Variants in SAR1A observed in about 807,000 individuals in gnomAD.
SAR1A encodes small COPII coat GTPase SAR1A.
SAR1A carries 6 observed loss-of-function variants against 22.6 expected under a neutral mutation model. The ratio of observed to expected loss-of-function variants is 0.27; its 90% CI spans 0.15 to 0.52. The LOEUF is 0.52. Among genes scored for constraint, SAR1A ranks in the 20% least tolerant of loss-of-function variants. The pLI, the probability that SAR1A is intolerant of heterozygous loss-of-function variation, is 0.96. For synonymous variants in SAR1A, 70 were observed against 82.2 expected (o/e 0.85, Z 0.80); for missense variants, 145 against 245.1 (o/e 0.59, Z 2.73).
intron 6 of SAR1A, 94 bp downstream of exon 6, chr10:70,153,744 G>C: frequency 1.9e-6 from 2 of 1,031,358 alleles, no homozygotes; most frequent in Non-Finnish European, 2.7e-6. Context: ...GCCTGTTTAA[G>C]CCTTTAAAAG....
chr10:70,154,168 C>T (rs1425322372), intron 5 of SAR1A, among the ~76,000 whole-genome samples, 199 bp from the exon 6 acceptor site: 1 of 152,158 alleles, frequency 6.6e-6, no homozygotes, highest in Non-Finnish European at 1.5e-5. Context: ...AAGTAAAAAT[C>T]TCCTAAGTGC....
intron 1 of SAR1A, among the ~76,000 whole-genome samples, chr10:70,168,363 G>A (rs1839579224): frequency 6.6e-6 from 1 of 152,192 alleles, no homozygotes; most frequent in Admixed American, 6.5e-5. Context: ...GGGAGGCCGA[G>A]GCAAGTGGAT....
rs563538652 is a variant in SAR1A, at chr10:70,148,623, T to A, written c.*3853A>T. The stretch of plus-strand genomic sequence containing the variant: ...GGGCAACATGATGAGACCTTAACTC[T>A]ACAAAAATTTTGAAAACTAGCTGAG... On this transcript the variant is annotated 3_prime_UTR_variant, in exon 7 of 7. Transcript: ENST00000373241. 6.6e-6 allele frequency: 1 copy of A among 152,092 alleles called. No homozygotes were observed. Among genetic ancestry groups the A allele is most frequent in the African/African-American group, 2.4e-5 (1 of 41,478 alleles). 9.4% of individuals were successfully genotyped at this position (152,092 alleles called of 1,614,324 possible). A position where few individuals can be genotyped will look rare whatever the true frequency, so the allele number is the denominator to read the frequency against.
intron 1 of SAR1A, among the ~76,000 whole-genome samples, chr10:70,162,431 A>G (rs1326195214): frequency 1.1e-4 from 15 of 130,766 alleles, no homozygotes; most frequent in African/African-American, 4.2e-4. Flanking sequence ...GGGAAAGGAA[A>G]GGAAAGGAAA....
At chr10:70,162,391 G>A (rs868428196) in intron 1 of SAR1A, among the ~76,000 whole-genome samples, 6 of 136,164 alleles carry the variant, frequency 4.4e-5, no homozygotes, top group East Asian at 2.2e-4. Flanking sequence ...GAAAGGGAAA[G>A]GGAAAAGGAA....
At chr10:70,167,691 C>T (rs1362544224) in intron 1 of SAR1A, among the ~76,000 whole-genome samples, 1 of 151,986 alleles carries the variant, frequency 6.6e-6, no homozygotes, top group Non-Finnish European at 1.5e-5. Context: ...ATGGCCTAAT[C>T]TGTAAATTTT....
In SAR1A at chr10:70,149,321, C is replaced by A. The variant is rs1839299817; in HGVS notation, c.*3155G>T. Reference sequence around the variant, plus strand: ...AACTCCTGACCTCATGACCCGCCCGCCTTGGCCTCCCAAAGCGCTAGGATT... The same window carrying A: ...AACTCCTGACCTCATGACCCGCCCGACTTGGCCTCCCAAAGCGCTAGGATT... On this transcript the variant is annotated 3_prime_UTR_variant, in exon 7 of 7. Coordinates refer to ENST00000373241, the MANE Select transcript of SAR1A (RefSeq NM_020150.5). 6.6e-6 allele frequency: 1 copy of A among 152,154 alleles called. No individual in the cohort carries two copies. The highest frequency in any genetic ancestry group is 1.5e-5 in the Non-Finnish European group (1 of 68,042). 9.4% of individuals were successfully genotyped at this position (152,154 alleles called of 1,614,324 possible).
intron 3 of SAR1A, chr10:70,161,408 T>C (rs931510009): frequency 1.6e-6 from 1 of 607,040 alleles, no homozygotes; most frequent in South Asian, 2.1e-5. Flanking sequence ...AGGTGTCCCT[T>C]TACAGGACCA....
At chr10:70,164,059 T>C in intron 1 of SAR1A, 1 of 787,020 alleles carries the variant, frequency 1.3e-6, no homozygotes, top group Non-Finnish European at 2.3e-6. Context: ...GATTAAATGA[T>C]CAGGGAAGCA....
intron 4 of SAR1A, among the ~76,000 whole-genome samples, chr10:70,160,281 T>C (rs1839451750): frequency 6.6e-6 from 1 of 152,056 alleles, no homozygotes; most frequent in African/African-American, 2.4e-5. Context: ...CAAGGAAATA[T>C]CTTTGTTCTT....
intron 5 of SAR1A, among the ~76,000 whole-genome samples, chr10:70,156,956 C>T (rs922943448): frequency 2.0e-5 from 3 of 152,100 alleles, no homozygotes; most frequent in African/African-American, 7.2e-5. Context: ...AGGATGTATG[C>T]AACCAAAACT....
intron 5 of SAR1A, among the ~76,000 whole-genome samples, chr10:70,155,540 G>T (rs1839377427): frequency 6.6e-6 from 1 of 151,902 alleles, no homozygotes; most frequent in South Asian, 2.1e-4. Context: ...GCTTTGCTAG[G>T]TGCAGGGGTT....
intron 5 of SAR1A, among the ~76,000 whole-genome samples, chr10:70,157,425 A>AGC: frequency 6.9e-6 from 1 of 145,706 alleles, no homozygotes; most frequent in Non-Finnish European, 1.5e-5. Context: ...AAAAAAAAAA[A>AGC]AAAACAGAAT....
At chr10:70,161,548 T>G in intron 3 of SAR1A, 71 bp downstream of exon 3, 3 of 1,561,460 alleles carry the variant, frequency 1.9e-6, no homozygotes, top group Middle Eastern at 2.4e-4. Flanking sequence ...CTCCACCAAC[T>G]AGGGATTCAT....
At chr10:70,157,014 G>A (rs1370984104) in intron 5 of SAR1A, among the ~76,000 whole-genome samples, 1 of 152,194 alleles carries the variant, frequency 6.6e-6, no homozygotes, top group Non-Finnish European at 1.5e-5. Context: ...TTCAGTGGGA[G>A]GGTGGGTAGG....
chr10:70,153,686 C>G (rs2136709201), intron 6 of SAR1A, 152 bp downstream of exon 6: 1 of 525,192 alleles, frequency 1.9e-6, no homozygotes, highest in Middle Eastern at 3.4e-4. Context: ...AGAACACACT[C>G]CTGCCTCTAG....
chr10:70,150,074 G>A lies in SAR1A; in HGVS notation c.*2402C>T, dbSNP rs966719074. 1 of 151,534 alleles carries A rather than the reference G, an allele frequency of 6.6e-6. No individual in the cohort carries two copies. The highest frequency in any genetic ancestry group is 2.4e-5 in the African/African-American group (1 of 41,172). The allele number at this position is 151,534 out of a possible 1,614,324, so 9.4% of individuals were successfully genotyped here. A position where few individuals can be genotyped will look rare whatever the true frequency, so the allele number is the denominator to read the frequency against. On this transcript the variant is annotated 3_prime_UTR_variant, in exon 7 of 7. Coordinates refer to ENST00000373241, the MANE Select transcript of SAR1A (RefSeq NM_020150.5). ...TCCCCCTCCTGGTGGCAAAATTCAA[G>A]TATCTCACACGCACCCTAAATGTCT...
intron 3 of SAR1A, 196 bp from the exon 4 acceptor site, chr10:70,161,265 G>T: frequency 1.8e-6 from 1 of 558,742 alleles, no homozygotes; most frequent in African/African-American, 1.9e-5. Flanking sequence ...GGATTTTTGA[G>T]ACCAGCCCAG....
chr10:70,165,612 G>A lies in SAR1A; in HGVS notation c.-16-3681C>T, dbSNP rs189260549. 7.0e-3 allele frequency among the ~76,000 whole-genome samples: 1,059 copies of A among 152,332 alleles called. 3 individuals are homozygous for A. Among genetic ancestry groups the A allele is most frequent in the Non-Finnish European group, 0.01 (697 of 68,032 alleles). On this transcript the variant is annotated intron_variant, in intron 1 of 6. Transcript: ENST00000373241. ...TTTCATGATCAAACTAATGGATAAA[G>A]AGATGCTTCTTATGGATAAGCAAAA...
Sources: gnomAD v4.1 joint callset for allele counts (sites outside exome capture counted in the v4.1 genomes callset) on GRCh38, gnomAD v4.1.1 for gene constraint, MANE v1.5 for transcripts, NCBI Gene and HGNC (gene_info 2026-07-23, HGNC 2026-07-21) for gene names.